Variants in CENPP observed in about 807,000 individuals in gnomAD.
The protein encoded by CENPP is centromere protein P.
CENPP carries 24 observed loss-of-function variants against 35.6 expected under a neutral mutation model. The observed-to-expected ratio is 0.67, with a 90% confidence interval of 0.49 to 0.95. CENPP has a LOEUF of 0.95. Ranked by LOEUF, CENPP falls within the 40% of genes least tolerant of loss-of-function variation. The pLI is 0.00. For synonymous variants in CENPP, 120 were observed against 125.5 expected (o/e 0.96, Z 0.29); for missense variants, 332 against 345.3 (o/e 0.96, Z 0.31).
intron 5 of CENPP, among the ~76,000 whole-genome samples, chr9:92,461,554 A>T (rs1334830395): frequency 6.6e-6 from 1 of 152,054 alleles, no homozygotes; most frequent in Non-Finnish European, 1.5e-5. Flanking sequence ...GACAGCTTCC[A>T]TGTGATATCA....
intron 5 of CENPP, among the ~76,000 whole-genome samples, chr9:92,387,870 TCTC>T (rs200898367): frequency 0.031 from 4,658 of 152,044 alleles, 113 homozygotes; most frequent in South Asian, 0.084. Flanking sequence ...TTAAAGCAAT[TCTC>T]CTGCCTCAGC....
Position 92,408,138 on chromosome 9 carries a change from G to T in CENPP, c.564+28279G>T, listed in dbSNP as rs371086827. On this transcript the variant is annotated intron_variant, in intron 5 of 7. Transcript: ENST00000375587. ...ATCTTCATCTTCATTCTCTAACTTTGTAGGAAATAGTTTGGTTTAGGAGTC... is the reference window on the plus strand; with the variant it reads ...ATCTTCATCTTCATTCTCTAACTTTTTAGGAAATAGTTTGGTTTAGGAGTC... Among the ~76,000 whole-genome samples the T allele has an allele frequency of 3.3e-4, 50 of 152,218 alleles. No individual in the cohort carries two copies. In the South Asian group the frequency reaches 8.9e-3, roughly 27 times the overall value.
intron 5 of CENPP, among the ~76,000 whole-genome samples, chr9:92,445,544 A>G (rs552980525): frequency 3.5e-4 from 54 of 152,288 alleles, no homozygotes; most frequent in Non-Finnish European, 6.0e-4. Context: ...AATGAATTGT[A>G]TACTTTAAAG....
At chr9:92,357,161 A>G (rs1290502377) in intron 4 of CENPP, among the ~76,000 whole-genome samples, 1 of 152,132 alleles carries the variant, frequency 6.6e-6, no homozygotes, top group Admixed American at 6.5e-5. Context: ...ACTAGCTTTT[A>G]TAATTTCACA....
chr9:92,401,149 G>A (rs779004284), intron 5 of CENPP: 4 of 1,555,226 alleles, frequency 2.6e-6, no homozygotes, highest in East Asian at 4.5e-5. Flanking sequence ...TGTAATTGAA[G>A]ACTTTTCTCA....
At chr9:92,487,915 C>T (rs915799026) in intron 5 of CENPP, among the ~76,000 whole-genome samples, 1 of 152,166 alleles carries the variant, frequency 6.6e-6, no homozygotes, top group South Asian at 2.1e-4. Flanking sequence ...CCCATACAAC[C>T]ATTGTGTTTT....
chr9:92,384,888 T>G (rs906941883), intron 5 of CENPP: 1 of 152,558 alleles, frequency 6.6e-6, no homozygotes, highest in Non-Finnish European at 1.5e-5. Context: ...ATATTGGTTT[T>G]GGCCTGCTTG....
At chr9:92,505,383 GA>G in intron 5 of CENPP, 1 of 690,718 alleles carries the variant, frequency 1.4e-6, no homozygotes. Context: ...ATTGCTTGAA[GA>G]AAAAACAATG....
chr9:92,329,242 T>C (rs1367925152), intron 1 of CENPP, among the ~76,000 whole-genome samples: 1 of 147,422 alleles, frequency 6.8e-6, no homozygotes, highest in Admixed American at 7.0e-5. Context: ...TGGAGTGTGG[T>C]GGCGCAACCT....
chr9:92,615,386 T>C lies in CENPP; in HGVS notation c.*2237T>C, dbSNP rs1183350249. 1 of 173,944 alleles carries C rather than the reference T, an allele frequency of 5.7e-6. No individual in the cohort carries two copies. Among genetic ancestry groups the C allele is most frequent in the Non-Finnish European group, 1.2e-5 (1 of 81,694 alleles). 10.8% of individuals were successfully genotyped at this position (173,944 alleles called of 1,614,324 possible). ...TGAAAAAGTGACCATGTAACTCAGC[T>C]GGGGGAAGTTCCAGTAGTATCCATG... On this transcript the variant is annotated 3_prime_UTR_variant, in exon 8 of 8. Coordinates refer to ENST00000375587, the MANE Select transcript of CENPP (RefSeq NM_001012267.3).
At chr9:92,581,473 A>G (rs1331424858) in intron 5 of CENPP, among the ~76,000 whole-genome samples, 1 of 152,212 alleles carries the variant, frequency 6.6e-6, no homozygotes, top group African/African-American at 2.4e-5. Flanking sequence ...GAAGCATCCA[A>G]AGGAATGGAT....
chr9:92,354,294 T>C (rs923692713), intron 4 of CENPP, among the ~76,000 whole-genome samples: 2 of 152,182 alleles, frequency 1.3e-5, no homozygotes, highest in Admixed American at 1.3e-4. Context: ...GGTAGCTAGC[T>C]GATCACCCCA....
intron 3 of CENPP, among the ~76,000 whole-genome samples, chr9:92,345,491 C>CA (rs34508753): frequency 0.17 from 13,241 of 75,684 alleles, 794 homozygotes; most frequent in Middle Eastern, 0.4. Context: ...ACTCCGTCTC[C>CA]AAAAAAAAAA....
chr9:92,571,216 T>G (rs997177108), intron 5 of CENPP, among the ~76,000 whole-genome samples: 1 of 152,098 alleles, frequency 6.6e-6, no homozygotes, highest in Non-Finnish European at 1.5e-5. Flanking sequence ...TGTGGGCATT[T>G]AGTGCTATAA....
chr9:92,390,587 T>TGTGTGTGTGTGTGCGCGC lies in CENPP; in HGVS notation c.564+10729_564+10730insTGTGTGTGTGTGCGCGCG, dbSNP rs749697394. On this transcript the variant is annotated intron_variant, in intron 5 of 7. Transcript: ENST00000375587. ...CAGTGTGTGTGTGTGTGTGTGTGTG[T>TGTGTGTGTGTGTGCGCGC]GCGCGCGCGCGTACTTGCGTGTGCA... is the stretch of plus-strand genomic sequence containing the variant. Among the ~76,000 whole-genome samples the TGTGTGTGTGTGTGCGCGC allele has an allele frequency of 5.2e-3, 744 of 141,870 alleles. 3 individuals are homozygous for TGTGTGTGTGTGTGCGCGC. Among genetic ancestry groups the TGTGTGTGTGTGTGCGCGC allele is most frequent in the Non-Finnish European group, 8.0e-3 (504 of 63,226 alleles). The allele number at this position is 141,870 out of a possible 152,430, so 93.1% of individuals were successfully genotyped here.
chr9:92,421,996 A>T (rs1186843814), intron 5 of CENPP, among the ~76,000 whole-genome samples: 1 of 151,882 alleles, frequency 6.6e-6, no homozygotes, highest in Non-Finnish European at 1.5e-5. Flanking sequence ...CTCATTGATG[A>T]TATTTTATGT....
At chr9:92,512,038 A>G (rs759408059) in intron 5 of CENPP, 1 of 1,613,332 alleles carries the variant, frequency 6.2e-7, no homozygotes, top group Non-Finnish European at 8.5e-7. Context: ...CTATGCCTGA[A>G]GAAGTGATAT....
At chr9:92,573,698 G>A (rs189886606) in intron 5 of CENPP, among the ~76,000 whole-genome samples, 2 of 152,278 alleles carry the variant, frequency 1.3e-5, no homozygotes, top group East Asian at 1.9e-4. Context: ...GCCCCGAGAG[G>A]TGGAGTCTAC....
intron 5 of CENPP, among the ~76,000 whole-genome samples, chr9:92,603,301 A>G (rs1318753469): frequency 6.6e-6 from 1 of 152,238 alleles, no homozygotes; most frequent in Non-Finnish European, 1.5e-5. Context: ...ACGCATGGTA[A>G]TGTGTGAAGA....
Sources: allele counts gnomAD v4.1 joint callset (sites outside exome capture counted in the v4.1 genomes callset), GRCh38; gene constraint gnomAD v4.1.1; transcripts MANE v1.5; gene names NCBI Gene and HGNC (gene_info 2026-07-23, HGNC 2026-07-21).